Variants in SUSD2 observed in about 807,000 individuals in gnomAD.
SUSD2 encodes sushi domain containing 2, also known as sushi domain-containing protein 2.
Under a neutral mutation model 93.8 loss-of-function variants are expected in SUSD2, and 86 were observed. The observed-to-expected ratio is 0.92, with a 90% CI of 0.77 to 1.10. The LOEUF (loss-of-function observed/expected upper bound fraction) is 1.10. Among genes scored for constraint, SUSD2 ranks in the 50% least tolerant of loss-of-function variants. The probability of loss-of-function intolerance (pLI) is 0.00; values close to 1 mark genes in which losing one functional copy is unlikely to be tolerated. For missense variants in SUSD2, 1,060 were observed against 1,137.0 expected (o/e 0.93, Z 0.97); for synonymous variants, 483 against 485.0 (o/e 1.00, Z 0.05).
At chr22:24,185,991 A>G (rs2047363186) in intron 8 of SUSD2, 25 bp from the exon 9 acceptor site, 4 of 1,590,286 alleles carry the variant, frequency 2.5e-6, no homozygotes, top group Non-Finnish European at 2.6e-6. Flanking sequence ...GTGCACCCCC[A>G]CGTGACCCTC....
Position 24,187,441 on chromosome 22 carries a change from G to C in SUSD2, c.1882G>C (p.Gly628Arg). The C allele has an allele frequency of 3.1e-6, 5 of 1,612,914 alleles. No homozygotes were observed. Among genetic ancestry groups the C allele is most frequent in the Non-Finnish European group, 4.2e-6 (5 of 1,179,978 alleles). Residue 628 changes from glycine (G) to arginine (R), a missense_variant, in exon 11 of 15, where the codon GGG becomes CGG. Gly to Arg is a moderately radical substitution (Grantham distance 125). Transcript: ENST00000358321. ...CAGTCCCCAGGAGCTGTTCCTGTTTGGGGCCAACTGTGAGTGACCGTGGAG... is the reference window on the plus strand; with the variant it reads ...CAGTCCCCAGGAGCTGTTCCTGTTTCGGGCCAACTGTGAGTGACCGTGGAG... ...GTSPQELFLF[G>R]ANWTVHNASS... is the part of the protein sequence containing the mutation.
Position 24,181,511 on chromosome 22 carries a change from G to T in SUSD2, c.-9G>T. The T allele has an allele frequency of 6.4e-7, 1 of 1,570,566 alleles. No individual in the cohort carries two copies. On this transcript the variant is annotated 5_prime_UTR_variant, in exon 1 of 15. The change creates a new upstream start codon in the 5' untranslated region. Coordinates refer to ENST00000358321, the MANE Select transcript of SUSD2 (RefSeq NM_019601.4). ...CACTGCACTGCTGGCTGCAGACACA[G>T]GCTGCACCATGAAGCCAGCCCTCCT... is the stretch of plus-strand genomic sequence containing the variant.
In SUSD2 at chr22:24,187,202, G is replaced by A. The variant is rs571980238; in HGVS notation, c.1643G>A (p.Gly548Glu). 4.0e-5 allele frequency: 64 copies of A among 1,612,008 alleles called. No individual in the cohort carries two copies. The highest frequency in any genetic ancestry group is 5.3e-5 in the Non-Finnish European group (62 of 1,179,938). ...FTEQSWMDLKGMFLSVAAGDR... is the reference protein window; with the variant it reads ...FTEQSWMDLKEMFLSVAAGDR... ...CCTAATGCATCCCCCTTGAGCCCAG[G>A]AATGTTCCTGTCGGTGGCTGCCGGG... Residue 548 changes from glycine (G) to glutamate (E), a missense_variant and splice_region_variant, in exon 11 of 15, where the codon GGA (glycine) becomes GAA (glutamate). Transcript: ENST00000358321.
At chr22:24,182,441 G>A (rs2047330850) in intron 1 of SUSD2, 1 of 153,334 alleles carries the variant, frequency 6.5e-6, no homozygotes, top group South Asian at 2.1e-4. Flanking sequence ...AGAAAGGAGG[G>A]GAGCGGCCCT....
intron 1 of SUSD2, 56 bp downstream of exon 1, chr22:24,181,651 G>C (rs1396122972): frequency 4.2e-5 from 58 of 1,393,302 alleles, no homozygotes; most frequent in Non-Finnish European, 1.2e-5. Flanking sequence ...TCTGCAGCCA[G>C]GCCTGGGCTG....
intron 3 of SUSD2, 99 bp downstream of exon 3, chr22:24,183,745 T>C: frequency 7.4e-7 from 1 of 1,356,060 alleles, no homozygotes; most frequent in Non-Finnish European, 1.0e-6. Flanking sequence ...CCTGCCTCTC[T>C]GGCTGAACCA....
chr22:24,187,848 G>C lies in SUSD2; in HGVS notation c.2164+5G>C. On this transcript the variant is annotated splice_donor_5th_base_variant and intron_variant, in intron 12 of 14. Coordinates refer to ENST00000358321, the MANE Select transcript of SUSD2 (RefSeq NM_019601.4). ...GCATGCAGAGCCTGCAGCCAGGTGAGGGCGGGCAGGTGGGGGTGGGCGGGG... is the reference window on the plus strand; with the variant it reads ...GCATGCAGAGCCTGCAGCCAGGTGACGGCGGGCAGGTGGGGGTGGGCGGGG... The C allele has an allele frequency of 6.2e-7, 1 of 1,608,838 alleles. No individual in the cohort carries two copies.
intron 9 of SUSD2, 21 bp from the exon 10 acceptor site, chr22:24,186,236 G>A (rs1406670747): frequency 9.9e-6 from 16 of 1,612,010 alleles, no homozygotes; most frequent in Admixed American, 8.4e-5. Context: ...AGTGGCTCCC[G>A]TTCTGCTCCC....
intron 3 of SUSD2, 85 bp downstream of exon 3, chr22:24,183,731 G>C (rs1157669817): frequency 9.8e-6 from 14 of 1,432,498 alleles, no homozygotes; most frequent in Non-Finnish European, 1.3e-5. Flanking sequence ...TGGCCTGTCC[G>C]TGCCCTGCCT....
chr22:24,181,511 G>A lies in SUSD2; in HGVS notation c.-9G>A. On this transcript the variant is annotated 5_prime_UTR_variant, in exon 1 of 15. Coordinates refer to ENST00000358321, the MANE Select transcript of SUSD2 (RefSeq NM_019601.4). ...CACTGCACTGCTGGCTGCAGACACA[G>A]GCTGCACCATGAAGCCAGCCCTCCT... 11 of 1,570,566 alleles carry A rather than the reference G, an allele frequency of 7.0e-6. No homozygotes were observed. The highest frequency in any genetic ancestry group is 8.6e-6 in the Non-Finnish European group (10 of 1,162,940).
In SUSD2 at chr22:24,185,155, C is replaced by A; in HGVS notation, c.844C>A (p.Arg282=). Residue 282 remains arginine, a synonymous_variant, in exon 6 of 15, where the codon CGA becomes AGA. Coordinates refer to ENST00000358321, the MANE Select transcript of SUSD2 (RefSeq NM_019601.4). The part of the protein sequence containing the change: ...ALAWHLSDDF[R]EDPVAWARTQ... ...GGCCTGGCACCTGAGCGATGACTTCCGAGAGGACCCTGTGGCCTGGGCACG... is the reference window on the plus strand; with the variant it reads ...GGCCTGGCACCTGAGCGATGACTTCAGAGAGGACCCTGTGGCCTGGGCACG... The A allele has an allele frequency of 6.2e-7, 1 of 1,612,680 alleles. No homozygotes were observed. Among genetic ancestry groups the A allele is most frequent in the East Asian group, 2.2e-5 (1 of 44,822 alleles).
Position 24,185,256 on chromosome 22 carries a change from C to T in SUSD2, c.945C>T (p.Cys315=), listed in dbSNP as rs148415766. 1 of 1,606,630 alleles carries T rather than the reference C, an allele frequency of 6.2e-7. No homozygotes were observed. The highest frequency in any genetic ancestry group is 8.5e-7 in the Non-Finnish European group (1 of 1,179,926). Residue 315 remains cysteine, a synonymous_variant, in exon 6 of 15, where the codon TGC becomes TGT. Transcript: ENST00000358321. ...NFLEELPDCP[C]TLTQARADSG... The stretch of plus-strand genomic sequence containing the variant: ...TGGAGGAGCTGCCGGACTGCCCCTG[C>T]ACCCTGACCCAGGCCCGGGCTGACT...
Position 24,185,509 on chromosome 22 carries a change from G to A in SUSD2, c.1008G>A (p.Glu336=), listed in dbSNP as rs138933230. 1 of 1,571,676 alleles carries A rather than the reference G, an allele frequency of 6.4e-7. No homozygotes were observed. The highest frequency in any genetic ancestry group is 1.9e-5 in the Admixed American group (1 of 53,698). The part of the protein sequence containing the change: ...RFFTDYGCDM[E]QGSVCTYHPG... ...AGACGGACTACGGCTGTGACATGGA[G>A]CAGGGCAGCGTGTGCACCTACCACC... The change falls in exon 7 of 15, where the codon GAG becomes GAA. Residue 336 remains glutamate (E), a synonymous_variant. Transcript: ENST00000358321.
Position 24,188,838 on chromosome 22 carries a change from G to A in SUSD2, c.*402G>A, listed in dbSNP as rs1210675632. On this transcript the variant is annotated 3_prime_UTR_variant, in exon 15 of 15. Coordinates refer to ENST00000358321, the MANE Select transcript of SUSD2 (RefSeq NM_019601.4). This position sits in a 1 kb window ranked among gnomAD's most constrained non-coding sequence, Gnocchi z 4.7. ...ACCTCACTCCCCAGAGCCTGATGCC[G>A]GGGCCCCTGACCCCTGATCTACGGA... 3 of 193,604 alleles carry A rather than the reference G, an allele frequency of 1.5e-5. No homozygotes were observed. The highest frequency in any genetic ancestry group is 1.4e-4 in the East Asian group (1 of 7,060). 12.0% of individuals were successfully genotyped at this position (193,604 alleles called of 1,614,324 possible). A position where few individuals can be genotyped will look rare whatever the true frequency, so the allele number is the denominator to read the frequency against.
chr22:24,183,432 C>T (rs1391013219), intron 2 of SUSD2, 63 bp from the exon 3 acceptor site: 84 of 1,573,598 alleles, frequency 5.3e-5, no homozygotes, highest in Non-Finnish European at 6.9e-5. Context: ...GGTTGGGGGC[C>T]CAGACCATCG....
At chr22:24,186,670 T>G in intron 10 of SUSD2, 1 of 547,406 alleles carries the variant, frequency 1.8e-6, no homozygotes, top group South Asian at 2.1e-5. Flanking sequence ...GAACTCACCC[T>G]GGTAACGTTC....
Position 24,188,541 on chromosome 22 carries a change from T to A in SUSD2, c.*105T>A. On this transcript the variant is annotated 3_prime_UTR_variant, in exon 15 of 15. Coordinates refer to ENST00000358321, the MANE Select transcript of SUSD2 (RefSeq NM_019601.4). This position sits in a 1 kb window ranked among gnomAD's most constrained non-coding sequence, Gnocchi z 4.7. ...GACCAGACACCTGGGACCTGGATACTTGATACCTGGGCATTTAACCCCCTA... is the reference window on the plus strand; with the variant it reads ...GACCAGACACCTGGGACCTGGATACATGATACCTGGGCATTTAACCCCCTA... 1 of 1,126,218 alleles carries A rather than the reference T, an allele frequency of 8.9e-7. No homozygotes were observed. The highest frequency in any genetic ancestry group is 1.3e-6 in the Non-Finnish European group (1 of 772,204). 69.8% of individuals were successfully genotyped at this position (1,126,218 alleles called of 1,614,324 possible). A position where few individuals can be genotyped will look rare whatever the true frequency, so the allele number is the denominator to read the frequency against.
In SUSD2 at chr22:24,183,560, C is replaced by T. The variant is rs771681745; in HGVS notation, c.353C>T (p.Pro118Leu). The change falls in exon 3 of 15, where the codon CCT (proline) becomes CTT (leucine). Residue 118 changes from proline (P) to leucine (L), a missense_variant. Physicochemically the swap from Pro to Leu is moderately conservative, Grantham distance 98. This residue lies in a region of SUSD2 where 973 missense variants were observed against 1,005.3 expected (regional missense o/e 0.97). Transcript: ENST00000358321. ...TCCGGGCAAGTGCACTGTGTGTCAC[C>T]TCTGCTCTATGAGAGCGGCCGCATC... is the stretch of plus-strand genomic sequence containing the variant. ...DSSGQVHCVS[P>L]LLYESGRIPF... The T allele has an allele frequency of 1.9e-6, 3 of 1,613,366 alleles. No individual in the cohort carries two copies. Among genetic ancestry groups the T allele is most frequent in the South Asian group, 1.1e-5 (1 of 91,088 alleles).
chr22:24,185,467 G>T lies in SUSD2; in HGVS notation c.985-19G>T, dbSNP rs1192210544. On this transcript the variant is annotated intron_variant, in intron 6 of 14. Transcript: ENST00000358321. ...CAGAACCCGAGGCCACTGGGTGACA[G>T]CCACCTGCTGCTCTGCAGACGGACT... is the stretch of plus-strand genomic sequence containing the variant. 2 of 1,554,130 alleles carry T rather than the reference G, an allele frequency of 1.3e-6. No homozygotes were observed. The highest frequency in any genetic ancestry group is 3.9e-5 in the Admixed American group (2 of 51,360).
Sources: gnomAD v4.1 joint callset for allele counts on GRCh38, gnomAD v4.1.1 for gene constraint, gnomAD v4.1.1 regional missense constraint, Gnocchi (gnomAD v3.1) non-coding constraint, MANE v1.5 for transcripts, NCBI Gene and HGNC (gene_info 2026-07-23, HGNC 2026-07-21) for gene names.